NPTN: variants seen among roughly 807,000 people sequenced by gnomAD.
The protein encoded by NPTN is SDR-1.
Under a neutral mutation model 42.7 loss-of-function variants are expected in NPTN, and 5 were observed. The observed-to-expected ratio is 0.12, with a 90% CI of 0.06 to 0.25. The LOEUF (loss-of-function observed/expected upper bound fraction) is 0.25. Among genes scored for constraint, NPTN ranks in the 10% least tolerant of loss-of-function variants. The probability of loss-of-function intolerance (pLI) is 1.00; values close to 1 mark genes in which losing one functional copy is unlikely to be tolerated. For missense variants in NPTN, 307 were observed against 525.4 expected, an observed-to-expected ratio of 0.58 and a Z score of 4.06; for synonymous variants, 180 against 201.9, an observed-to-expected ratio of 0.89 and a Z score of 0.92.
intron 1 of NPTN, among the ~76,000 whole-genome samples, chr15:73,619,849 G>C (rs1898047543): frequency 6.6e-6 from 1 of 152,196 alleles, no homozygotes; most frequent in Non-Finnish European, 1.5e-5. Context: ...CAAGATAACT[G>C]AATGGGTATT....
intron 4 of NPTN, 60 bp downstream of exon 4, chr15:73,587,464 C>G (rs764900706): frequency 9.0e-6 from 11 of 1,227,308 alleles, no homozygotes; most frequent in Non-Finnish European, 1.3e-5. Context: ...GACTCCAGAC[C>G]AAGGTACTGT....
intron 1 of NPTN, among the ~76,000 whole-genome samples, chr15:73,612,997 G>C (rs1897666459): frequency 6.6e-6 from 1 of 152,160 alleles, no homozygotes; most frequent in Non-Finnish European, 1.5e-5. Context: ...GAGAGTGAAA[G>C]GGGTGCTGTT....
chr15:73,582,717 C>T (rs997641644), intron 4 of NPTN, among the ~76,000 whole-genome samples: 3 of 152,192 alleles, frequency 2.0e-5, no homozygotes, highest in Admixed American at 1.3e-4. Flanking sequence ...ATACCCCCCA[C>T]AAGACAGGGA....
intron 4 of NPTN, among the ~76,000 whole-genome samples, chr15:73,582,347 G>A (rs762432585): frequency 9.2e-5 from 14 of 152,210 alleles, no homozygotes; most frequent in Non-Finnish European, 1.5e-4. Flanking sequence ...GCTGACGGCA[G>A]TGGGAGAGTG....
At chr15:73,593,102 G>A (rs16958041) in intron 2 of NPTN, among the ~76,000 whole-genome samples, 16,071 of 151,962 alleles carry the variant, frequency 0.11, 1,083 homozygotes, top group African/African-American at 0.19. Flanking sequence ...TCTATTCTGC[G>A]CTTAGATAAC....
At chr15:73,573,958 G>A (rs1895548090) in intron 4 of NPTN, among the ~76,000 whole-genome samples, 163 bp from the exon 5 acceptor site, 1 of 152,170 alleles carries the variant, frequency 6.6e-6, no homozygotes, top group Non-Finnish European at 1.5e-5. Context: ...ATAGGGTAAA[G>A]GGACCAAACC....
chr15:73,584,011 T>C (rs1181808451), intron 4 of NPTN, among the ~76,000 whole-genome samples: 2 of 152,188 alleles, frequency 1.3e-5, no homozygotes, highest in East Asian at 3.9e-4. Flanking sequence ...TTATTCTTAA[T>C]AGTCAAATAT....
intron 4 of NPTN, among the ~76,000 whole-genome samples, chr15:73,575,573 G>A (rs1473571641): frequency 6.6e-6 from 1 of 152,212 alleles, no homozygotes; most frequent in Admixed American, 6.5e-5. Context: ...TTATCAAATG[G>A]AGACACCTCG....
chr15:73,621,786 T>G (rs1232519314), intron 1 of NPTN, among the ~76,000 whole-genome samples: 1 of 152,248 alleles, frequency 6.6e-6, no homozygotes, highest in East Asian at 1.9e-4. Flanking sequence ...ACCTTAAATA[T>G]ATTTCAAATA....
chr15:73,581,985 C>T (rs1896070086), intron 4 of NPTN, among the ~76,000 whole-genome samples: 1 of 152,156 alleles, frequency 6.6e-6, no homozygotes, highest in South Asian at 2.1e-4. Flanking sequence ...CAGGCGTGCA[C>T]CGCCACACTC....
chr15:73,592,217 G>A, intron 2 of NPTN, 80 bp from the exon 3 acceptor site: 1 of 1,261,360 alleles, frequency 7.9e-7, no homozygotes, highest in Non-Finnish European at 1.1e-6. Flanking sequence ...GACGGGGTAG[G>A]AGGGGGAAAC....
intron 8 of NPTN, among the ~76,000 whole-genome samples, chr15:73,561,399 CG>C (rs1251329597): frequency 6.6e-6 from 1 of 152,172 alleles, no homozygotes; most frequent in African/African-American, 2.4e-5. Flanking sequence ...CACCTGATGG[CG>C]GGGCACACTG....
At chr15:73,613,849 C>T (rs1897721779) in intron 1 of NPTN, among the ~76,000 whole-genome samples, 3 of 152,022 alleles carry the variant, frequency 2.0e-5, no homozygotes. Context: ...CCATGCCTGG[C>T]TAATTTTTGT....
chr15:73,575,409 G>A (rs750702552), intron 4 of NPTN, among the ~76,000 whole-genome samples: 3 of 152,256 alleles, frequency 2.0e-5, no homozygotes, highest in Non-Finnish European at 1.5e-5. Context: ...GAGCCACCAC[G>A]CCCAGCCGGG....
At chr15:73,578,283 A>T (rs1206802185) in intron 4 of NPTN, among the ~76,000 whole-genome samples, 1 of 152,150 alleles carries the variant, frequency 6.6e-6, no homozygotes, top group Non-Finnish European at 1.5e-5. Flanking sequence ...CCCCGTGGCT[A>T]CTATGTGAAC....
chr15:73,608,511 T>G (rs563034230), intron 1 of NPTN, among the ~76,000 whole-genome samples: 32 of 152,242 alleles, frequency 2.1e-4, no homozygotes, highest in South Asian at 1.2e-3. Flanking sequence ...AATTCAACAT[T>G]TTTTGAGTGC....
chr15:73,568,520 C>G, intron 6 of NPTN: 2 of 985,448 alleles, frequency 2.0e-6, no homozygotes, highest in South Asian at 4.7e-5. Flanking sequence ...AACTCTTTCC[C>G]TTTACTCCCA....
chr15:73,575,892 A>C (rs1895667883), intron 4 of NPTN, among the ~76,000 whole-genome samples: 1 of 152,202 alleles, frequency 6.6e-6, no homozygotes, highest in African/African-American at 2.4e-5. Context: ...CTCAGTGTGA[A>C]GTGTTTTCTA....
chr15:73,620,372 C>A (rs1185633896), intron 1 of NPTN, among the ~76,000 whole-genome samples: 2 of 152,186 alleles, frequency 1.3e-5, no homozygotes, highest in Non-Finnish European at 1.5e-5. Flanking sequence ...AGGACACTTA[C>A]AAGTACAGGA....
Sources: allele counts gnomAD v4.1 joint callset (sites outside exome capture counted in the v4.1 genomes callset), GRCh38; gene constraint gnomAD v4.1.1; transcripts MANE v1.5; gene names NCBI Gene and HGNC (gene_info 2026-07-23, HGNC 2026-07-21).